Variants in CCM2 observed in about 807,000 individuals in gnomAD.
CCM2 encodes the protein CCM2 scaffold protein.
CCM2 carries 25 observed loss-of-function variants against 44.9 expected under a neutral mutation model. That is an observed-to-expected ratio of 0.56 (90% CI 0.41 to 0.78). The LOEUF (loss-of-function observed/expected upper bound fraction) is 0.78, where lower values mean the gene tolerates loss of function less well. CCM2 is among the 30% of genes least tolerant of loss of function. The probability of loss-of-function intolerance (pLI) is 0.00; values close to 1 mark genes in which losing one functional copy is unlikely to be tolerated. For missense variants in CCM2, 481 were observed against 580.6 expected (o/e 0.83, Z 1.76); for synonymous variants, 219 against 241.1 (o/e 0.91, Z 0.85).
At chr7:45,030,523 C>A (rs1232986077) in intron 1 of CCM2, among the ~76,000 whole-genome samples, 3 of 152,142 alleles carry the variant, frequency 2.0e-5, no homozygotes, top group Non-Finnish European at 4.4e-5. Flanking sequence ...GCAGCCTCAA[C>A]CTCCCAAGCT....
intron 2 of CCM2, among the ~76,000 whole-genome samples, chr7:45,049,301 T>C (rs1797895062): frequency 6.6e-6 from 1 of 152,180 alleles, no homozygotes; most frequent in African/African-American, 2.4e-5. Context: ...ATGTACATGG[T>C]TCAAAATTCA....
intron 1 of CCM2, 35 bp downstream of exon 1, chr7:45,000,398 C>T (rs1795545449): frequency 1.8e-6 from 2 of 1,082,172 alleles, no homozygotes; most frequent in South Asian, 4.1e-5. Context: ...CTGCTGTGGT[C>T]GGCGGGCGGC....
intron 1 of CCM2, among the ~76,000 whole-genome samples, chr7:45,011,260 G>A (rs1478464550): frequency 6.6e-6 from 1 of 151,490 alleles, no homozygotes; most frequent in Non-Finnish European, 1.5e-5. Flanking sequence ...GCAATGGTGC[G>A]ATCTCAGCTC....
rs532871889 is a variant in CCM2, at chr7:45,056,106, T to C, written c.205-7812T>C. Among the ~76,000 whole-genome samples, 7 of 152,348 alleles carry C rather than the reference T, an allele frequency of 4.6e-5. No homozygotes were observed. The East Asian group carries it at 1.4e-3, about 29-fold the overall frequency. On this transcript the variant is annotated intron_variant, in intron 2 of 9. Transcript: ENST00000258781. ...TCTGTCAATGAACATTTGAGTTGTTTCTTGCTTTAGTTGATTGTGAATCAT... is the reference window on the plus strand; with the variant it reads ...TCTGTCAATGAACATTTGAGTTGTTCCTTGCTTTAGTTGATTGTGAATCAT...
At chr7:45,025,303 G>C (rs745591538) in intron 1 of CCM2, among the ~76,000 whole-genome samples, 11 of 152,106 alleles carry the variant, frequency 7.2e-5, no homozygotes, top group Non-Finnish European at 1.3e-4. Flanking sequence ...GCTTAATCAG[G>C]GTTCAAAGTT....
chr7:45,042,042 G>C (rs1296190925), intron 2 of CCM2, among the ~76,000 whole-genome samples: 1 of 152,162 alleles, frequency 6.6e-6, no homozygotes. Flanking sequence ...TTGGGAGACT[G>C]AGGCGGACGG....
chr7:45,013,704 T>TG (rs1796152546), intron 1 of CCM2, among the ~76,000 whole-genome samples: 1 of 152,240 alleles, frequency 6.6e-6, no homozygotes, highest in South Asian at 2.1e-4. Flanking sequence ...GATCATGTGT[T>TG]GCATTTGGTT....
intron 1 of CCM2, among the ~76,000 whole-genome samples, chr7:45,034,007 A>G (rs1239871308): frequency 6.6e-6 from 1 of 152,170 alleles, no homozygotes; most frequent in African/African-American, 2.4e-5. Flanking sequence ...CCATTCTCCC[A>G]TGAGAACCCC....
chr7:45,049,539 C>A (rs1319425145), intron 2 of CCM2, among the ~76,000 whole-genome samples: 1 of 152,164 alleles, frequency 6.6e-6, no homozygotes, highest in Non-Finnish European at 1.5e-5. Flanking sequence ...AAAACTGCCT[C>A]GTCCATTTTA....
chr7:45,031,389 A>G (rs2128724335), intron 1 of CCM2, among the ~76,000 whole-genome samples: 1 of 151,356 alleles, frequency 6.6e-6, no homozygotes, highest in Non-Finnish European at 1.5e-5. Context: ...GTCAAAAAAA[A>G]AAAAAAAAAA....
intron 6 of CCM2, 97 bp from the exon 7 acceptor site, chr7:45,072,629 G>A: frequency 1.1e-6 from 1 of 921,456 alleles, no homozygotes; most frequent in Non-Finnish European, 1.8e-6. Flanking sequence ...GACCAGGGCT[G>A]CCGCTGTCTC....
chr7:45,038,485 A>G (rs1797333725), intron 2 of CCM2, 59 bp downstream of exon 2: 27 of 1,558,832 alleles, frequency 1.7e-5, no homozygotes, highest in Non-Finnish European at 2.4e-5. Context: ...TCATGCTTGT[A>G]TCCACCAGAC....
At position 45,063,970 on chromosome 7, in the gene CCM2, C is replaced by G; in HGVS notation, c.257C>G (p.Thr86Ser). 1 of 1,612,950 alleles carries G rather than the reference C, an allele frequency of 6.2e-7. No individual in the cohort carries two copies. The highest frequency in any genetic ancestry group is 8.5e-7 in the Non-Finnish European group (1 of 1,178,940). ...GGATACCTGAATCCCTCCAGTAGGA[C>G]TGAAATCCTGCATTTCATAGACAAT... ...IPGYLNPSSR[T>S]EILHFIDNAK... Residue 86 changes from threonine to serine, a missense_variant, in exon 3 of 10, where the codon ACT (threonine) becomes AGT (serine). Physicochemically the swap from Thr to Ser is moderately conservative, Grantham distance 58 (BLOSUM62 1). Coordinates refer to ENST00000258781, the MANE Select transcript of CCM2 (RefSeq NM_031443.4).
At position 45,059,907 on chromosome 7, in the gene CCM2, A is replaced by G. The variant is rs138019865; in HGVS notation, c.205-4011A>G. On this transcript the variant is annotated intron_variant, in intron 2 of 9. Coordinates refer to ENST00000258781, the MANE Select transcript of CCM2 (RefSeq NM_031443.4). ...TCCCAGTTCACTCCTCCCACTGCTT[A>G]TAACATTGCTGTCATTTATTTCATT... Among the ~76,000 whole-genome samples the G allele has an allele frequency of 6.3e-3, 967 of 152,354 alleles. 34 individuals carry two copies. The highest frequency in any genetic ancestry group is 0.055 in the Admixed American group (845 of 15,300).
chr7:45,042,320 G>T (rs935511966), intron 2 of CCM2, among the ~76,000 whole-genome samples: 1 of 149,276 alleles, frequency 6.7e-6, no homozygotes, highest in Non-Finnish European at 1.5e-5. Context: ...AAATTTTCTA[G>T]CATTTGTATT....
intron 1 of CCM2, among the ~76,000 whole-genome samples, chr7:45,024,321 TC>T (rs1174294056): frequency 6.6e-6 from 1 of 152,238 alleles, no homozygotes; most frequent in Non-Finnish European, 1.5e-5. Context: ...TGGAGTTTCA[TC>T]TCTGCATGTC....
At chr7:45,043,825 C>T (rs528195902) in intron 2 of CCM2, 19 of 323,882 alleles carry the variant, frequency 5.9e-5, no homozygotes, top group African/African-American at 1.8e-4. Context: ...AACCACTCTC[C>T]GTCTTATGAA....
Position 45,018,892 on chromosome 7 carries a change from T to G in CCM2, c.30+18529T>G, listed in dbSNP as rs970139217. ...CTCCTGCATCAGCCTCCCAAGTAGC[T>G]GGGATTACAGGCATGCACCACCATG... On this transcript the variant is annotated intron_variant, in intron 1 of 9. Coordinates refer to ENST00000258781, the MANE Select transcript of CCM2 (RefSeq NM_031443.4). Among the ~76,000 whole-genome samples, 10 of 150,462 alleles carry G rather than the reference T, an allele frequency of 6.6e-5. No individual in the cohort carries two copies. In the South Asian group the frequency reaches 2.1e-3, roughly 32 times the overall value.
intron 1 of CCM2, among the ~76,000 whole-genome samples, chr7:45,026,293 A>G (rs1420409927): frequency 6.6e-6 from 1 of 152,208 alleles, no homozygotes; most frequent in Non-Finnish European, 1.5e-5. Flanking sequence ...AATACCGGAT[A>G]TTGACTCAAA....
Sources: gnomAD v4.1 joint callset for allele counts (sites outside exome capture counted in the v4.1 genomes callset) on GRCh38, gnomAD v4.1.1 for gene constraint, MANE v1.5 for transcripts, NCBI Gene and HGNC (gene_info 2026-07-23, HGNC 2026-07-21) for gene names.